CCDC125: variants seen among roughly 807,000 people sequenced by gnomAD.
CCDC125 encodes coiled-coil domain containing 125.
Under a neutral mutation model 57.4 loss-of-function variants are expected in CCDC125, and 43 were observed. The observed-to-expected ratio is 0.75, with a 90% CI of 0.59 to 0.97. CCDC125 has a LOEUF of 0.97. Among genes scored for constraint, CCDC125 ranks in the 50% least tolerant of loss-of-function variants. The probability of loss-of-function intolerance (pLI) is 0.00; values close to 1 mark genes in which losing one functional copy is unlikely to be tolerated. For synonymous variants in CCDC125, 187 were observed against 195.2 expected, an observed-to-expected ratio of 0.96 and a Z score of 0.35; for missense variants, 563 against 595.7, an observed-to-expected ratio of 0.95 and a Z score of 0.57.
intron 1 of CCDC125, among the ~76,000 whole-genome samples, chr5:69,330,468 C>A (rs1218981874): frequency 6.6e-6 from 1 of 151,964 alleles, no homozygotes; most frequent in Non-Finnish European, 1.5e-5. Flanking sequence ...GTGGTGTGCA[C>A]CTGTAGTCCC....
At chr5:69,317,905 TG>T (rs1229363703) in intron 2 of CCDC125, among the ~76,000 whole-genome samples, 4 of 149,832 alleles carry the variant, frequency 2.7e-5, no homozygotes, top group African/African-American at 9.8e-5. Flanking sequence ...CAGGCCAAGG[TG>T]GGAGGACTGC....
In CCDC125 at chr5:69,303,889, C is replaced by CT. The variant is rs757592341; in HGVS notation, c.657dup (p.Val220SerfsTer7). 1.2e-6 allele frequency: 2 copies of CT among 1,608,344 alleles called. No individual in the cohort carries two copies. Among genetic ancestry groups the CT allele is most frequent in the Non-Finnish European group, 1.7e-6 (2 of 1,178,152 alleles). ...AGCATTTTAATTTCTTCTGTTTTCA[C>CT]TTTCAAATTCTCTTTGAGGACTGCA... On this transcript the variant is annotated frameshift_variant, in exon 7 of 12. Transcript: ENST00000396496. LOFTEE classifies it high-confidence loss of function.
intron 9 of CCDC125, among the ~76,000 whole-genome samples, chr5:69,293,626 C>T (rs1265086384): frequency 2.1e-5 from 3 of 141,134 alleles, no homozygotes; most frequent in Non-Finnish European, 3.0e-5. Flanking sequence ...CCAGCCTGGG[C>T]GACAGAGCAA....
At chr5:69,299,839 G>A (rs986274202) in intron 8 of CCDC125, among the ~76,000 whole-genome samples, 173 bp downstream of exon 8, 2 of 152,188 alleles carry the variant, frequency 1.3e-5, no homozygotes, top group African/African-American at 2.4e-5. Flanking sequence ...CTGTATGAAG[G>A]GCATGGAACC....
intron 11 of CCDC125, among the ~76,000 whole-genome samples, chr5:69,283,369 G>A (rs9885507): frequency 0.22 from 33,318 of 151,218 alleles, 4,873 homozygotes; most frequent in Non-Finnish European, 0.33. Context: ...ACAGGTGCCC[G>A]CCACCACACC....
At chr5:69,332,473 G>A (rs1761533485) in intron 1 of CCDC125, among the ~76,000 whole-genome samples, 176 bp downstream of exon 1, 1 of 152,190 alleles carries the variant, frequency 6.6e-6, no homozygotes, top group African/African-American at 2.4e-5. Context: ...CAGGTGGAGA[G>A]GCAGAGAGAG....
chr5:69,322,144 T>A (rs1388012358), intron 1 of CCDC125, among the ~76,000 whole-genome samples: 2 of 148,538 alleles, frequency 1.3e-5, no homozygotes, highest in Non-Finnish European at 3.0e-5. Flanking sequence ...CCCAGCTGGG[T>A]TTTTTTTTTC....
downstream of CCDC125, chr5:69,276,588 GGATGTCAGCTGCCAA>G: frequency 6.2e-7 from 1 of 1,613,722 alleles, no homozygotes; most frequent in Non-Finnish European, 8.5e-7. Context: ...GCCAACACCT[GGATGTCAGCTGCCAA>G]GACCAAACTG....
Position 69,300,815 on chromosome 5 carries a change from G to C in CCDC125, c.701-688C>G, listed in dbSNP as rs548998066. On this transcript the variant is annotated intron_variant, in intron 7 of 11. Coordinates refer to ENST00000396496, the MANE Select transcript of CCDC125 (RefSeq NM_176816.5). The stretch of plus-strand genomic sequence containing the variant: ...CAGCTAAGACACAGCATAAAGTGCC[G>C]CTCTCAGCCCCAGGGCCTAATTTAG... Among the ~76,000 whole-genome samples, 45 of 126,056 alleles carry C rather than the reference G, an allele frequency of 3.6e-4. No individual in the cohort carries two copies. The East Asian group carries it at 0.011, about 30-fold the overall frequency. The allele number at this position is 126,056 out of a possible 152,430, so 82.7% of individuals were successfully genotyped here.
chr5:69,318,525 T>G (rs1344851483), intron 2 of CCDC125, among the ~76,000 whole-genome samples: 2 of 150,664 alleles, frequency 1.3e-5, no homozygotes, highest in African/African-American at 4.9e-5. Context: ...GGCGGATCAC[T>G]TGAGGTCAGG....
chr5:69,293,399 C>G (rs1754795746), intron 9 of CCDC125, among the ~76,000 whole-genome samples: 1 of 152,026 alleles, frequency 6.6e-6, no homozygotes. Flanking sequence ...CGCCTGTAAT[C>G]CCAGCACTTT....
At position 69,317,451 on chromosome 5, in the gene CCDC125, T is replaced by G. The variant is rs559176541; in HGVS notation, c.304+2786A>C. On this transcript the variant is annotated intron_variant, in intron 2 of 11. Coordinates refer to ENST00000396496, the MANE Select transcript of CCDC125 (RefSeq NM_176816.5). Reference sequence around the variant, plus strand: ...CCCATTCTGATTTCAAGAGGGATGTTGAAGGATGGGGATGAACCCTGAGCT... The same window carrying G: ...CCCATTCTGATTTCAAGAGGGATGTGGAAGGATGGGGATGAACCCTGAGCT... 1.5e-4 allele frequency among the ~76,000 whole-genome samples: 23 copies of G among 152,302 alleles called. No individual in the cohort carries two copies. The Middle Eastern group carries it at 0.017, about 113-fold the overall frequency.
chr5:69,311,547 G>A (rs764033571), intron 3 of CCDC125, among the ~76,000 whole-genome samples: 2 of 152,100 alleles, frequency 1.3e-5, no homozygotes, highest in Non-Finnish European at 2.9e-5. Context: ...AGCTACTCTG[G>A]AGGCTGAGAC....
At chr5:69,296,657 C>T (rs747548829) in intron 8 of CCDC125, among the ~76,000 whole-genome samples, 57 of 152,032 alleles carry the variant, frequency 3.7e-4, no homozygotes, top group Non-Finnish European at 1.0e-4. Flanking sequence ...TTTTAAAACT[C>T]CACTTTAAAA....
chr5:69,279,485 C>T (rs1009903894), downstream of CCDC125, among the ~76,000 whole-genome samples: 34 of 152,130 alleles, frequency 2.2e-4, no homozygotes, highest in Non-Finnish European at 3.7e-4. Flanking sequence ...CGTGAGCCAC[C>T]GTGCCCGGCC....
intron 9 of CCDC125, chr5:69,293,995 T>C (rs1397537449): frequency 1.1e-5 from 2 of 175,460 alleles, no homozygotes; most frequent in Non-Finnish European, 2.2e-5. Context: ...CCACTTAATA[T>C]AGTAGGAAAA....
chr5:69,299,875 G>C, intron 8 of CCDC125, 137 bp downstream of exon 8: 1 of 703,766 alleles, frequency 1.4e-6, no homozygotes, highest in Non-Finnish European at 2.5e-6. Context: ...ACCAACCTGG[G>C]CCCAGGGGCG....
At chr5:69,274,435 G>A in the CCDC125 span, among the ~76,000 whole-genome samples, 1 of 152,152 alleles carries the variant, frequency 6.6e-6, no homozygotes, top group Non-Finnish European at 1.5e-5. Flanking sequence ...AGGAGTTGGA[G>A]CCCAGCCTGG....
chr5:69,291,366 AT>A (rs796227961), intron 10 of CCDC125, among the ~76,000 whole-genome samples: 1,517 of 145,548 alleles, frequency 0.01, 10 homozygotes, highest in African/African-American at 0.03. Context: ...AATACTGATC[AT>A]TTTTTTTTTT....
Sources: gnomAD v4.1 joint callset for allele counts (sites outside exome capture counted in the v4.1 genomes callset) on GRCh38, gnomAD v4.1.1 for gene constraint, MANE v1.5 for transcripts, NCBI Gene and HGNC (gene_info 2026-07-23, HGNC 2026-07-21) for gene names.